Variants in TANGO6 observed in about 807,000 individuals in gnomAD.
TANGO6 encodes the protein transport and Golgi organization protein 6 homolog.
A neutral mutation model predicts 114.2 loss-of-function variants in TANGO6; 90 were observed. The observed-to-expected ratio is 0.79, with a 90% CI of 0.66 to 0.94. TANGO6 has a LOEUF of 0.94. Among genes scored for constraint, TANGO6 ranks in the 40% least tolerant of loss-of-function variants. TANGO6 has a pLI of 0.00. For missense variants in TANGO6, 1,274 were observed against 1,315.3 expected, an observed-to-expected ratio of 0.97 and a Z score of 0.49; for synonymous variants, 477 against 509.8, an observed-to-expected ratio of 0.94 and a Z score of 0.87.
chr16:68,918,944 A>T (rs1963050071), intron 11 of TANGO6, 141 bp from the exon 12 acceptor site: 6 of 964,970 alleles, frequency 6.2e-6, no homozygotes, highest in African/African-American at 3.3e-5. Context: ...TCACATCTGC[A>T]TGGTAAGTAG....
intron 15 of TANGO6, among the ~76,000 whole-genome samples, chr16:68,974,612 G>C (rs1008902471): frequency 6.6e-6 from 1 of 152,144 alleles, no homozygotes; most frequent in Non-Finnish European, 1.5e-5. Flanking sequence ...GGTGAGTCGA[G>C]ATCGCGCCAC....
chr16:68,949,456 A>G (rs1414069514), intron 14 of TANGO6, among the ~76,000 whole-genome samples: 1 of 151,854 alleles, frequency 6.6e-6, no homozygotes, highest in Non-Finnish European at 1.5e-5. Flanking sequence ...CTTTGTCTCC[A>G]CTAAAAAGAC....
At chr16:69,029,121 T>C (rs1468129511) in intron 16 of TANGO6, among the ~76,000 whole-genome samples, 1 of 152,206 alleles carries the variant, frequency 6.6e-6, no homozygotes, top group Non-Finnish European at 1.5e-5. Flanking sequence ...ATCCAAAGTG[T>C]TAAGAGAAAT....
At chr16:69,030,199 G>T (rs934265902) in intron 16 of TANGO6, among the ~76,000 whole-genome samples, 1 of 151,524 alleles carries the variant, frequency 6.6e-6, no homozygotes, top group African/African-American at 2.4e-5. Flanking sequence ...AACAACTGCC[G>T]TGTTAGGGGC....
At chr16:68,925,386 A>G (rs1225077307) in intron 12 of TANGO6, among the ~76,000 whole-genome samples, 2 of 152,120 alleles carry the variant, frequency 1.3e-5, no homozygotes, top group Non-Finnish European at 2.9e-5. Flanking sequence ...TGCCATCTGT[A>G]TATCTTCTTT....
chr16:68,863,072 C>T lies in TANGO6; in HGVS notation c.852+11C>T. 2 of 1,485,466 alleles carry T rather than the reference C, an allele frequency of 1.3e-6. No individual in the cohort carries two copies. Among genetic ancestry groups the T allele is most frequent in the Non-Finnish European group, 1.8e-6 (2 of 1,105,124 alleles). 92.0% of individuals were successfully genotyped at this position (1,485,466 alleles called of 1,614,324 possible). A position where few individuals can be genotyped will look rare whatever the true frequency, so the allele number is the denominator to read the frequency against. ...GGAGGACCACCCCAGGTACTCAGGCCTAGGGACTCTTGGGGGTGACTCATT... is the reference window on the plus strand; with the variant it reads ...GGAGGACCACCCCAGGTACTCAGGCTTAGGGACTCTTGGGGGTGACTCATT... On this transcript the variant is annotated intron_variant, in intron 3 of 17. Transcript: ENST00000261778.
chr16:68,961,610 G>A (rs182459471), intron 14 of TANGO6, among the ~76,000 whole-genome samples: 1 of 152,242 alleles, frequency 6.6e-6, no homozygotes, highest in East Asian at 1.9e-4. Flanking sequence ...AAATATGGCT[G>A]TCAGTAAATA....
chr16:69,082,849 C>T (rs1445974754), intron 17 of TANGO6, among the ~76,000 whole-genome samples: 3 of 151,980 alleles, frequency 2.0e-5, no homozygotes, highest in African/African-American at 7.3e-5. Context: ...TAATCATTTG[C>T]TCTGGGAGCA....
intron 17 of TANGO6, among the ~76,000 whole-genome samples, chr16:69,045,032 C>T (rs112363892): frequency 0.12 from 17,630 of 151,506 alleles, 1,101 homozygotes; most frequent in African/African-American, 0.13. Flanking sequence ...TTTGGTGGCA[C>T]ACTTGTAATC....
rs79119126 is a variant in TANGO6 at position 68,890,560 on chromosome 16, G to A, written c.1378-9874G>A. Among the ~76,000 whole-genome samples the A allele has an allele frequency of 6.4e-3, 978 of 152,328 alleles. 3 individuals carry two copies. The highest frequency in any genetic ancestry group is 0.014 in the Middle Eastern group (4 of 294). On this transcript the variant is annotated intron_variant, in intron 7 of 17. Transcript: ENST00000261778. ...CAGTAGTCTCTAAGGGACATGCTTA[G>A]CAATGTCATGGAAGTCTATGAAATG... is the stretch of plus-strand genomic sequence containing the variant.
At chr16:68,843,838 G>C in intron 1 of TANGO6, 127 bp downstream of exon 1, 2 of 850,052 alleles carry the variant, frequency 2.4e-6, no homozygotes, top group Non-Finnish European at 3.8e-6. Flanking sequence ...CCCGCTGCTG[G>C]GGGCTTTGAG....
At chr16:68,893,129 T>G (rs1962650122) in intron 7 of TANGO6, among the ~76,000 whole-genome samples, 1 of 151,956 alleles carries the variant, frequency 6.6e-6, no homozygotes, top group Non-Finnish European at 1.5e-5. Context: ...TTTGTTGGAG[T>G]GGTGGTTAAT....
chr16:68,905,857 G>A (rs1199566032), intron 9 of TANGO6, among the ~76,000 whole-genome samples: 2 of 152,078 alleles, frequency 1.3e-5, no homozygotes, highest in African/African-American at 4.8e-5. Context: ...TAGGCAATGA[G>A]TGAGACCCTG....
chr16:68,849,016 A>T (rs1961860176), intron 1 of TANGO6, among the ~76,000 whole-genome samples: 1 of 152,154 alleles, frequency 6.6e-6, no homozygotes, highest in African/African-American at 2.4e-5. Flanking sequence ...AGCAACCGCA[A>T]TGCGGACACA....
At chr16:68,936,684 T>C (rs189387466) in intron 14 of TANGO6, among the ~76,000 whole-genome samples, 43 of 152,232 alleles carry the variant, frequency 2.8e-4, no homozygotes, top group African/African-American at 1.0e-3. Flanking sequence ...GTCCTCTCAG[T>C]CACTTTCAAT....
chr16:69,012,846 C>G (rs1186378269), intron 15 of TANGO6, among the ~76,000 whole-genome samples: 2 of 152,042 alleles, frequency 1.3e-5, no homozygotes, highest in Non-Finnish European at 2.9e-5. Context: ...GATCTCGGAG[C>G]CTTACGGTTC....
At chr16:68,945,439 T>C (rs1458844720) in intron 14 of TANGO6, among the ~76,000 whole-genome samples, 1 of 152,178 alleles carries the variant, frequency 6.6e-6, no homozygotes, top group Admixed American at 6.5e-5. Context: ...TGTAGGGAAT[T>C]ATACTTTTGG....
intron 17 of TANGO6, among the ~76,000 whole-genome samples, chr16:69,063,790 C>CTTT (rs1228552678): frequency 8.7e-6 from 1 of 114,580 alleles, no homozygotes; most frequent in Non-Finnish European, 1.7e-5. Flanking sequence ...TTTTCTTCTT[C>CTTT]TTCTTCTTCT....
intron 15 of TANGO6, among the ~76,000 whole-genome samples, chr16:68,988,995 A>G (rs1597049404): frequency 6.6e-6 from 1 of 151,940 alleles, no homozygotes; most frequent in Admixed American, 6.6e-5. Context: ...TTTCCCAAGT[A>G]TGGGACTACA....
Sources: gnomAD v4.1 joint callset for allele counts (sites outside exome capture counted in the v4.1 genomes callset) on GRCh38, gnomAD v4.1.1 for gene constraint, MANE v1.5 for transcripts, NCBI Gene and HGNC (gene_info 2026-07-23, HGNC 2026-07-21) for gene names.